Variants in CYTH1 observed in about 807,000 individuals in gnomAD.
CYTH1 encodes the protein cytohesin 1.
In CYTH1, 18 loss-of-function variants were observed where a neutral mutation model predicts 61.8. That is an observed-to-expected ratio of 0.29 (90% CI 0.20 to 0.43). The LOEUF (loss-of-function observed/expected upper bound fraction) is 0.43. Among genes scored for constraint, CYTH1 ranks in the 20% least tolerant of loss-of-function variants. CYTH1 has a pLI of 1.00. For synonymous variants in CYTH1, 174 were observed against 184.3 expected (o/e 0.94, Z 0.45); for missense variants, 336 against 510.5 (o/e 0.66, Z 3.29).
intron 11 of CYTH1, among the ~76,000 whole-genome samples, chr17:78,681,849 A>C (rs1386024597): frequency 1.3e-5 from 2 of 151,242 alleles, no homozygotes; most frequent in South Asian, 2.1e-4. Context: ...AAAAAAAAAA[A>C]AAAAAACCAA....
In CYTH1 at chr17:78,707,713, G is replaced by A. The variant is rs190822751; in HGVS notation, c.170+484C>T. Among the ~76,000 whole-genome samples the A allele has an allele frequency of 4.8e-5, 7 of 146,650 alleles. No individual in the cohort carries two copies. In the East Asian group the frequency reaches 8.0e-4, roughly 17 times the overall value. On this transcript the variant is annotated intron_variant, in intron 3 of 13. Transcript: ENST00000446868. The stretch of plus-strand genomic sequence containing the variant: ...TTTTTTTTTTTTGAGACGGAGTCTC[G>A]CTCTGTCACCAGGCTGGAGTGCAGT...
intron 1 of CYTH1, among the ~76,000 whole-genome samples, chr17:78,725,521 AATACACAT>A (rs1317906080): frequency 6.6e-6 from 1 of 152,198 alleles, no homozygotes; most frequent in Non-Finnish European, 1.5e-5. Flanking sequence ...TTTTTACACA[AATACACAT>A]ATACACATAC....
At position 78,761,590 on chromosome 17, in the gene CYTH1, C is replaced by T. The variant is rs867641440; in HGVS notation, c.22+20612G>A. The stretch of plus-strand genomic sequence containing the variant: ...CGTCTCTACTAAAAACACAAAAAAT[C>T]AGCCGGGCGTGGTGGCGGGCACCTG... On this transcript the variant is annotated intron_variant, in intron 1 of 13. Transcript: ENST00000446868. Among the ~76,000 whole-genome samples, 7 of 152,120 alleles carry T rather than the reference C, an allele frequency of 4.6e-5. No homozygotes were observed. The East Asian group carries it at 5.8e-4, about 13-fold the overall frequency.
intron 1 of CYTH1, among the ~76,000 whole-genome samples, chr17:78,780,993 G>A (rs2093514808): frequency 6.6e-6 from 1 of 151,978 alleles, no homozygotes; most frequent in African/African-American, 2.4e-5. Context: ...CTGGGCGACA[G>A]AGTGAGACTC....
intron 3 of CYTH1, among the ~76,000 whole-genome samples, chr17:78,706,112 G>C (rs970189564): frequency 7.2e-5 from 11 of 152,076 alleles, no homozygotes; most frequent in African/African-American, 2.7e-4. Flanking sequence ...TCAGAAAAAA[G>C]CCATTTTTTT....
rs544648053 is a variant in CYTH1, at chr17:78,756,108, C to T, written c.22+26094G>A. Among the ~76,000 whole-genome samples, 425 of 144,280 alleles carry T rather than the reference C, an allele frequency of 2.9e-3. 1 individual carries two copies. The highest frequency in any genetic ancestry group is 5.1e-3 in the Non-Finnish European group (337 of 66,562). The allele number at this position is 144,280 out of a possible 152,430, so 94.7% of individuals were successfully genotyped here. A position where few individuals can be genotyped will look rare whatever the true frequency, so the allele number is the denominator to read the frequency against. ...TTTTTTTTTTTGAGACAGAGTCTTG[C>T]TGTGTCACCTAGGCTGGAGTGCAGC... is the stretch of plus-strand genomic sequence containing the variant. On this transcript the variant is annotated intron_variant, in intron 1 of 13. Coordinates refer to ENST00000446868, the MANE Select transcript of CYTH1 (RefSeq NM_004762.6).
chr17:78,762,145 A>G (rs1567880821), intron 1 of CYTH1, among the ~76,000 whole-genome samples: 1 of 152,220 alleles, frequency 6.6e-6, no homozygotes, highest in Non-Finnish European at 1.5e-5. Flanking sequence ...TTACCTGACA[A>G]CAGGAAAAAT....
At chr17:78,701,311 G>A (rs2093006614) in intron 6 of CYTH1, among the ~76,000 whole-genome samples, 1 of 152,126 alleles carries the variant, frequency 6.6e-6, no homozygotes, top group African/African-American at 2.4e-5. Flanking sequence ...AAAAATTAAG[G>A]TTTACTTTTT....
At chr17:78,710,604 A>T (rs983719738) in intron 1 of CYTH1, among the ~76,000 whole-genome samples, 7 of 152,206 alleles carry the variant, frequency 4.6e-5, no homozygotes, top group African/African-American at 1.7e-4. Flanking sequence ...AATCTACCAA[A>T]TATCAAATTA....
intron 11 of CYTH1, among the ~76,000 whole-genome samples, chr17:78,689,316 C>T (rs1459953213): frequency 1.3e-5 from 2 of 152,356 alleles, no homozygotes; most frequent in African/African-American, 4.8e-5. Flanking sequence ...TCAAACCTCT[C>T]TGCTAACATT....
intron 2 of CYTH1, chr17:78,708,806 G>A (rs1276650211): frequency 6.5e-6 from 1 of 154,368 alleles, no homozygotes; most frequent in African/African-American, 2.4e-5. Flanking sequence ...TCACGGGGAA[G>A]TGGGGCTTAA....
At chr17:78,740,405 T>C (rs2093337772) in intron 1 of CYTH1, among the ~76,000 whole-genome samples, 1 of 152,234 alleles carries the variant, frequency 6.6e-6, no homozygotes, top group Non-Finnish European at 1.5e-5. Flanking sequence ...CAATGCCTCA[T>C]TCTTGTTATA....
chr17:78,712,570 C>T (rs1195795661), intron 1 of CYTH1, among the ~76,000 whole-genome samples: 1 of 151,814 alleles, frequency 6.6e-6, no homozygotes, highest in African/African-American at 2.4e-5. Flanking sequence ...GCAGAAGAAT[C>T]GCTTGAAGTT....
At chr17:78,705,634 G>C (rs2144355457) in intron 3 of CYTH1, among the ~76,000 whole-genome samples, 1 of 152,294 alleles carries the variant, frequency 6.6e-6, no homozygotes, top group East Asian at 1.9e-4. Context: ...TGTAATGCCT[G>C]CTTGAGAAAC....
chr17:78,730,307 C>T (rs1002847970), intron 1 of CYTH1, among the ~76,000 whole-genome samples: 1 of 144,438 alleles, frequency 6.9e-6, no homozygotes, highest in Admixed American at 7.2e-5. Context: ...GGGCGGATCA[C>T]GAGGTCAGGA....
chr17:78,730,728 A>G (rs1361275602), intron 1 of CYTH1, among the ~76,000 whole-genome samples: 2 of 151,404 alleles, frequency 1.3e-5, no homozygotes, highest in Non-Finnish European at 2.9e-5. Flanking sequence ...GCAGTGGTGC[A>G]ATCTCAGCTC....
At chr17:78,716,656 C>CA (rs2093183429) in intron 1 of CYTH1, among the ~76,000 whole-genome samples, 1 of 152,180 alleles carries the variant, frequency 6.6e-6, no homozygotes, top group Non-Finnish European at 1.5e-5. Context: ...TGAGATGAGG[C>CA]AAAATCTAAT....
chr17:78,717,747 G>A lies in CYTH1; in HGVS notation c.23-8015C>T, dbSNP rs2093193993. Among the ~76,000 whole-genome samples, 1 of 152,156 alleles carries A rather than the reference G, an allele frequency of 6.6e-6. No homozygotes were observed. The highest frequency in any genetic ancestry group is 1.5e-5 in the Non-Finnish European group (1 of 68,032). On this transcript the variant is annotated intron_variant, in intron 1 of 13. Coordinates refer to ENST00000446868, the MANE Select transcript of CYTH1 (RefSeq NM_004762.6). This position sits in a 1 kb window ranked among gnomAD's most constrained non-coding sequence, Gnocchi z 4.4. ...ACGCAGCTCTCTGACAGCAGGTTCT[G>A]CTTGGCAGACACATAGCAGCTGCCA...
At chr17:78,757,097 G>A (rs376080087) in intron 1 of CYTH1, among the ~76,000 whole-genome samples, 1 of 145,860 alleles carries the variant, frequency 6.9e-6, no homozygotes, top group African/African-American at 2.6e-5. Flanking sequence ...ACAGACGCCC[G>A]CCACCATACC....
Sources: allele counts gnomAD v4.1 joint callset (sites outside exome capture counted in the v4.1 genomes callset), GRCh38; gene constraint gnomAD v4.1.1; non-coding constraint Gnocchi (gnomAD v3.1); transcripts MANE v1.5; gene names NCBI Gene and HGNC (gene_info 2026-07-23, HGNC 2026-07-21).